ANKRD12: variants seen among roughly 807,000 people sequenced by gnomAD.
ANKRD12 encodes ankyrin repeat domain 12.
A neutral mutation model predicts 183.4 loss-of-function variants in ANKRD12; 85 were observed. The ratio of observed to expected loss-of-function variants is 0.46; its 90% CI spans 0.39 to 0.56. The LOEUF (loss-of-function observed/expected upper bound fraction) is 0.56. Among genes scored for constraint, ANKRD12 ranks in the 20% least tolerant of loss-of-function variants. The pLI, the probability that ANKRD12 is intolerant of heterozygous loss-of-function variation, is 0.00. For missense variants in ANKRD12, 2,405 were observed against 2,357.1 expected, an observed-to-expected ratio of 1.02 and a Z score of -0.42; for synonymous variants, 914 against 800.2, an observed-to-expected ratio of 1.14 and a Z score of -2.40.
Position 9,263,866 on chromosome 18 carries a change from G to T in ANKRD12, c.5741G>T (p.Arg1914Leu). ...CAGGAAGTTGTAAGGATGAAACTAC[G>T]TTTGCAACACAGTATTGAAAGGGTA... ...RQQEVVRMKLRLQHSIEREKL... is the reference protein window; with the variant it reads ...RQQEVVRMKLLLQHSIEREKL... The change falls in exon 10 of 13, where the codon CGT becomes CTT. Residue 1914 changes from arginine (R) to leucine (L), a missense_variant. Physicochemically the swap from Arg to Leu is moderately radical, Grantham distance 102. This residue lies in a region of ANKRD12 where 162 missense variants were observed against 272.2 expected (regional missense o/e 0.60). Coordinates refer to ENST00000262126, the MANE Select transcript of ANKRD12 (RefSeq NM_015208.5). 6.7e-7 allele frequency: 1 copy of T among 1,497,522 alleles called. No homozygotes were observed. Among genetic ancestry groups the T allele is most frequent in the Non-Finnish European group, 9.2e-7 (1 of 1,082,594 alleles). The allele number at this position is 1,497,522 out of a possible 1,614,324, so 92.8% of individuals were successfully genotyped here.
At chr18:9,178,945 G>A (rs2144127001) in intron 1 of ANKRD12, among the ~76,000 whole-genome samples, 1 of 152,000 alleles carries the variant, frequency 6.6e-6, no homozygotes, top group South Asian at 2.1e-4. Flanking sequence ...ATTTCTGATT[G>A]CTTATTGCTA....
intron 4 of ANKRD12, 144 bp downstream of exon 4, chr18:9,204,688 T>A: frequency 1.6e-6 from 1 of 611,576 alleles, no homozygotes; most frequent in South Asian, 2.4e-5. Context: ...GACACCACAT[T>A]TTCCCATTTT....
Position 9,258,012 on chromosome 18 carries a change from T to C in ANKRD12, c.4745T>C (p.Leu1582Ser), listed in dbSNP as rs201281147. The C allele has an allele frequency of 2.0e-5, 33 of 1,613,806 alleles. No homozygotes were observed. The highest frequency in any genetic ancestry group is 2.8e-5 in the Non-Finnish European group (33 of 1,179,960). Residue 1582 changes from leucine (L) to serine (S), a missense_variant, in exon 9 of 13, where the codon TTA becomes TCA. By Grantham distance (145) the Leu-to-Ser change is moderately radical. This residue lies in a region of ANKRD12 where 1,983 missense variants were observed against 1,725.9 expected (regional missense o/e 1.15). Transcript: ENST00000262126. Reference protein sequence around the residue: ...ASPNFEKAYTLPVLPSEKDFN... With the variant: ...ASPNFEKAYTSPVLPSEKDFN... ...CCAAACTTTGAGAAAGCTTATACTT[T>C]ACCTGTGTTACCATCAGAAAAGGAC...
intron 3 of ANKRD12, among the ~76,000 whole-genome samples, chr18:9,196,610 A>C (rs866851297): frequency 1.4e-4 from 22 of 152,230 alleles, no homozygotes; most frequent in Admixed American, 1.4e-3. Flanking sequence ...AAATACTCAT[A>C]AAGATTTTTG....
intron 8 of ANKRD12, among the ~76,000 whole-genome samples, chr18:9,242,041 A>G (rs997456789): frequency 6.6e-6 from 1 of 152,062 alleles, no homozygotes; most frequent in Non-Finnish European, 1.5e-5. Context: ...GCACATATGT[A>G]TATATATACA....
chr18:9,267,512 T>G (rs1167048252), intron 10 of ANKRD12, among the ~76,000 whole-genome samples: 2 of 152,170 alleles, frequency 1.3e-5, no homozygotes, highest in African/African-American at 4.8e-5. Flanking sequence ...AACCTGCTCC[T>G]GACTGACTAC....
intron 1 of ANKRD12, among the ~76,000 whole-genome samples, chr18:9,145,884 G>A (rs1303403874): frequency 6.6e-6 from 1 of 152,178 alleles, no homozygotes; most frequent in Non-Finnish European, 1.5e-5. Context: ...TCTGAAGAAG[G>A]CATTCTCTGT....
At chr18:9,278,711 C>T (rs2039969040) in intron 11 of ANKRD12, among the ~76,000 whole-genome samples, 2 of 151,838 alleles carry the variant, frequency 1.3e-5, no homozygotes, top group South Asian at 4.2e-4. Flanking sequence ...GCGGGAGAAT[C>T]GCCTGAACCT....
At position 9,239,772 on chromosome 18, in the gene ANKRD12, C is replaced by G. The variant is rs569436941; in HGVS notation, c.944-14439C>G. On this transcript the variant is annotated intron_variant, in intron 8 of 12. Transcript: ENST00000262126. The stretch of plus-strand genomic sequence containing the variant: ...ATTATCTAATAATATAGCACATCAT[C>G]TATGTGACAGATACACTTTAAGTGT... 3.9e-5 allele frequency among the ~76,000 whole-genome samples: 6 copies of G among 152,240 alleles called. 1 individual carries two copies. The South Asian group carries it at 1.0e-3, about 26-fold the overall frequency.
chr18:9,233,514 C>A (rs2037172298), intron 8 of ANKRD12, among the ~76,000 whole-genome samples: 1 of 152,026 alleles, frequency 6.6e-6, no homozygotes, highest in East Asian at 1.9e-4. Context: ...ACATTCATAC[C>A]TGTGTATCTG....
intron 1 of ANKRD12, among the ~76,000 whole-genome samples, chr18:9,156,457 A>G (rs1339597006): frequency 6.6e-6 from 1 of 152,192 alleles, no homozygotes; most frequent in Non-Finnish European, 1.5e-5. Context: ...CTGAAAAGAG[A>G]TTTAGTTATT....
At chr18:9,277,703 A>G (rs1166888239) in intron 11 of ANKRD12, among the ~76,000 whole-genome samples, 1 of 151,002 alleles carries the variant, frequency 6.6e-6, no homozygotes, top group Non-Finnish European at 1.5e-5. Context: ...AGAGCTGGAA[A>G]TTGAGGTGGG....
intron 1 of ANKRD12, among the ~76,000 whole-genome samples, chr18:9,151,368 G>GA (rs1200066764): frequency 2.0e-5 from 3 of 152,270 alleles, no homozygotes; most frequent in African/African-American, 7.2e-5. Flanking sequence ...TGCATTCATA[G>GA]AAAAAATACT....
chr18:9,237,882 C>G (rs2037437911), intron 8 of ANKRD12, among the ~76,000 whole-genome samples: 1 of 152,098 alleles, frequency 6.6e-6, no homozygotes, highest in Admixed American at 6.5e-5. Flanking sequence ...CATATATTTA[C>G]AAGACTCAAC....
intron 8 of ANKRD12, among the ~76,000 whole-genome samples, chr18:9,238,915 A>G (rs1456512057): frequency 6.6e-6 from 1 of 152,214 alleles, no homozygotes; most frequent in African/African-American, 2.4e-5. Context: ...TGAGTCCAGG[A>G]GTTCAAGACC....
At chr18:9,259,029 A>G in intron 9 of ANKRD12, 98 bp downstream of exon 9, 1 of 1,334,774 alleles carries the variant, frequency 7.5e-7, no homozygotes, top group South Asian at 1.7e-5. Context: ...GTAGATAGAT[A>G]ATTTCAGCAA....
At chr18:9,238,461 A>G (rs1465816644) in intron 8 of ANKRD12, among the ~76,000 whole-genome samples, 3 of 152,212 alleles carry the variant, frequency 2.0e-5, no homozygotes, top group Non-Finnish European at 2.9e-5. Context: ...AAAAATCAGC[A>G]TACCCCCACC....
chr18:9,194,574 C>G (rs968802686), intron 2 of ANKRD12, among the ~76,000 whole-genome samples: 3 of 152,060 alleles, frequency 2.0e-5, no homozygotes, highest in Admixed American at 2.0e-4. Context: ...CCAGGCTGGT[C>G]TCAAACTCCT....
intron 12 of ANKRD12, 24 bp downstream of exon 12, chr18:9,279,668 T>A (rs1219763994): frequency 7.4e-6 from 10 of 1,345,728 alleles, no homozygotes; most frequent in Non-Finnish European, 1.0e-5. Flanking sequence ...GAAGTCAGTT[T>A]AAATGAATGC....
Sources: gnomAD v4.1 joint callset for allele counts (sites outside exome capture counted in the v4.1 genomes callset) on GRCh38, gnomAD v4.1.1 for gene constraint, gnomAD v4.1.1 regional missense constraint, MANE v1.5 for transcripts, NCBI Gene and HGNC (gene_info 2026-07-23, HGNC 2026-07-21) for gene names.